AZU1: variants seen among roughly 807,000 people sequenced by gnomAD.
AZU1 encodes the protein azurocidin 1, also known as azurocidin.
A neutral mutation model predicts 17.8 loss-of-function variants in AZU1; 21 were observed. That is an observed-to-expected ratio of 1.18 (90% CI 0.84 to 1.70). The LOEUF (loss-of-function observed/expected upper bound fraction) is 1.70. Among genes scored for constraint, AZU1 ranks in the 40% most tolerant of loss-of-function variants. The pLI, the probability that AZU1 is intolerant of heterozygous loss-of-function variation, is 0.00. For missense variants in AZU1, 379 were observed against 362.9 expected (o/e 1.04, Z -0.36); for synonymous variants, 178 against 155.2 (o/e 1.15, Z -1.09).
intron 3 of AZU1, among the ~76,000 whole-genome samples, 165 bp from the exon 4 acceptor site, chr19:830,543 G>C (rs112961314): frequency 6.6e-6 from 1 of 152,186 alleles, no homozygotes; most frequent in African/African-American, 2.4e-5. Flanking sequence ...GCCTCGCAAC[G>C]TGCTGGGAAT....
chr19:828,285 C>T lies in AZU1; in HGVS notation c.114C>T (p.Phe38=). The T allele has an allele frequency of 6.2e-7, 1 of 1,611,822 alleles. No individual in the cohort carries two copies. The highest frequency in any genetic ancestry group is 8.5e-7 in the Non-Finnish European group (1 of 1,179,598). The part of the protein sequence containing the change: ...VGGRKARPRQ[F]PFLASIQNQG... ...GCCGGAAGGCGAGGCCCCGCCAGTT[C>T]CCGTTCCTGGCCTCCATTCAGAATC... Residue 38 remains phenylalanine (F), a synonymous_variant, in exon 2 of 5, where the codon TTC becomes TTT. Transcript: ENST00000233997.
At chr19:829,166 T>G (rs1159429338) in intron 2 of AZU1, among the ~76,000 whole-genome samples, 27 of 14,440 alleles carry the variant, frequency 1.9e-3, no homozygotes, top group African/African-American at 5.6e-3. Flanking sequence ...GAGGCCCAGA[T>G]AAGGGAATGG....
At chr19:829,936 A>ATATG (rs368933425) in intron 3 of AZU1, among the ~76,000 whole-genome samples, 455 of 137,850 alleles carry the variant, frequency 3.3e-3, no homozygotes, top group African/African-American at 0.012. Flanking sequence ...AAAAATATAT[A>ATATG]TGTGTGTGTG....
chr19:831,736 C>A lies in AZU1; in HGVS notation c.615C>A (p.Leu205=). 6.2e-7 allele frequency: 1 copy of A among 1,609,206 alleles called. No homozygotes were observed. Among genetic ancestry groups the A allele is most frequent in the South Asian group, 1.1e-5 (1 of 90,588 alleles). ...CCCAGGGGGACGGGGGCACCCCCCT[C>A]GTCTGCGAGGGCCTGGCCCACGGCG... ...GICNGDGGTP[L]VCEGLAHGVA... The change falls in exon 5 of 5, where the codon CTC becomes CTA. Residue 205 remains leucine (L), a synonymous_variant. Transcript: ENST00000233997.
At chr19:829,748 G>A in intron 3 of AZU1, 42 bp downstream of exon 3, 1 of 1,593,784 alleles carries the variant, frequency 6.3e-7, no homozygotes, top group Non-Finnish European at 8.6e-7. Context: ...ACCTCGGGAG[G>A]CCGACGTTAG....
Position 829,585 on chromosome 19 carries a change from T to C in AZU1, c.239T>C (p.Val80Ala). Reference protein sequence around the residue: ...QSQNPGVSTVVLGAYDLRRRE... With the variant: ...QSQNPGVSTVALGAYDLRRRE... ...AGGAACCCCGGGGTTAGCACCGTGG[T>C]GCTGGGTGCCTATGACCTGAGGCGG... Residue 80 changes from valine (V) to alanine (A), a missense_variant, in exon 3 of 5, where the codon GTG becomes GCG. Transcript: ENST00000233997. The C allele has an allele frequency of 6.2e-7, 1 of 1,613,210 alleles. No individual in the cohort carries two copies. Among genetic ancestry groups the C allele is most frequent in the Non-Finnish European group, 8.5e-7 (1 of 1,179,932 alleles).
At chr19:828,776 A>G (rs1368324714) in intron 2 of AZU1, among the ~76,000 whole-genome samples, 9 of 30,006 alleles carry the variant, frequency 3.0e-4, no homozygotes, top group East Asian at 9.1e-4. Context: ...CAGAGAAGGG[A>G]AGGGGGTCAG....
intron 4 of AZU1, 137 bp downstream of exon 4, chr19:831,078 A>AT: frequency 1.4e-6 from 1 of 704,024 alleles, no homozygotes. Context: ...GAGAAACAGT[A>AT]TCTTTTTTTT....
At chr19:828,146 T>C (rs1325310866) in intron 1 of AZU1, 84 bp from the exon 2 acceptor site, 2 of 1,468,906 alleles carry the variant, frequency 1.4e-6, no homozygotes, top group Non-Finnish European at 1.8e-6. Flanking sequence ...ACTGGGTGGA[T>C]AGAGCTGAGG....
intron 3 of AZU1, among the ~76,000 whole-genome samples, chr19:829,986 G>A (rs1174787792): frequency 1.3e-5 from 2 of 148,918 alleles, no homozygotes; most frequent in African/African-American, 2.5e-5. Context: ...ATCTTGCCGG[G>A]TGAGGTGGCT....
intron 2 of AZU1, among the ~76,000 whole-genome samples, chr19:829,312 CAGAT>C (rs1440257939): frequency 7.8e-6 from 1 of 127,430 alleles, no homozygotes; most frequent in Non-Finnish European, 1.6e-5. Flanking sequence ...GGAAGGGACT[CAGAT>C]GGAGGAGGGG....
chr19:831,225 CAT>C (rs2145103085), intron 4 of AZU1: 1 of 432,574 alleles, frequency 2.3e-6, no homozygotes, highest in East Asian at 4.0e-5. Context: ...GGATTACAGG[CAT>C]GCGCCACCAC....
chr19:831,501 C>T, intron 4 of AZU1: 1 of 559,620 alleles, frequency 1.8e-6, no homozygotes, highest in Non-Finnish European at 3.1e-6. Context: ...GGAGGGGCAC[C>T]TGGCCCAGCC....
At chr19:828,509 C>T (rs1387101896) in intron 2 of AZU1, 123 bp downstream of exon 2, 4 of 1,039,666 alleles carry the variant, frequency 3.8e-6, no homozygotes, top group African/African-American at 3.5e-5. Context: ...AAAGGAGGGG[C>T]TCAGGGAAAG....
chr19:829,934 A>ATGTGTG lies in AZU1; in HGVS notation c.360+229_360+230insGTGTGT, dbSNP rs1240559729. On this transcript the variant is annotated intron_variant, in intron 3 of 4. Transcript: ENST00000233997. ...CCAAACTCAGTCTCTACAAAAATATATATGTGTGTGTGTGTGTGTGTGTGT... is the reference window on the plus strand; with the variant it reads ...CCAAACTCAGTCTCTACAAAAATATATGTGTGTATGTGTGTGTGTGTGTGTGTGTGT... 5.8e-5 allele frequency among the ~76,000 whole-genome samples: 7 copies of ATGTGTG among 120,398 alleles called. No individual in the cohort carries two copies. The South Asian group carries it at 8.4e-4, about 14-fold the overall frequency. 79.0% of individuals were successfully genotyped at this position (120,398 alleles called of 152,430 possible).
At position 831,729 on chromosome 19, in the gene AZU1, C is replaced by T; in HGVS notation, c.608C>T (p.Thr203Ile). 1 of 1,604,932 alleles carries T rather than the reference C, an allele frequency of 6.2e-7. No individual in the cohort carries two copies. Among genetic ancestry groups the T allele is most frequent in the Non-Finnish European group, 8.5e-7 (1 of 1,176,296 alleles). The part of the protein sequence containing the change: ...RGGICNGDGG[T>I]PLVCEGLAHG... ...CTGCCTGCCCAGGGGGACGGGGGCA[C>T]CCCCCTCGTCTGCGAGGGCCTGGCC... The change falls in exon 5 of 5, where the codon ACC becomes ATC. Residue 203 changes from threonine to isoleucine, a missense_variant. Physicochemically the swap from Thr to Ile is moderately conservative, Grantham distance 89. Coordinates refer to ENST00000233997, the MANE Select transcript of AZU1 (RefSeq NM_001700.5).
In AZU1 at chr19:829,551, G is replaced by A. The variant is rs752838981; in HGVS notation, c.216-11G>A. The A allele has an allele frequency of 3.7e-6, 6 of 1,611,358 alleles. No individual in the cohort carries two copies. Among genetic ancestry groups the A allele is most frequent in the Admixed American group, 1.7e-5 (1 of 59,938 alleles). Reference sequence around the variant, plus strand: ...GTGTCCTCCCTCTGCCCTTTCCTCCGCTACTCTCAGGAACCCCGGGGTTAG... The same window carrying A: ...GTGTCCTCCCTCTGCCCTTTCCTCCACTACTCTCAGGAACCCCGGGGTTAG... On this transcript the variant is annotated splice_polypyrimidine_tract_variant and intron_variant, in intron 2 of 4. Coordinates refer to ENST00000233997, the MANE Select transcript of AZU1 (RefSeq NM_001700.5).
At position 831,889 on chromosome 19, in the gene AZU1, A is replaced by C. The variant is rs1188201106; in HGVS notation, c.*12A>C. On this transcript the variant is annotated 3_prime_UTR_variant, in exon 5 of 5. Transcript: ENST00000233997. ...CGGGGCCAGCCTAGGGGGGCCTGTGACCTCCCATGGAGCCCAGCCCCGCCC... is the reference window on the plus strand; with the variant it reads ...CGGGGCCAGCCTAGGGGGGCCTGTGCCCTCCCATGGAGCCCAGCCCCGCCC... 1.9e-6 allele frequency: 3 copies of C among 1,606,984 alleles called. No homozygotes were observed. Among genetic ancestry groups the C allele is most frequent in the Admixed American group, 3.4e-5 (2 of 59,564 alleles).
intron 1 of AZU1, 54 bp from the exon 2 acceptor site, chr19:828,176 C>G (rs894037669): frequency 6.5e-7 from 1 of 1,532,476 alleles, no homozygotes; most frequent in Non-Finnish European, 8.8e-7. Flanking sequence ...CACACGCCCT[C>G]CCGGCCACTG....
Sources: gnomAD v4.1 joint callset for allele counts (sites outside exome capture counted in the v4.1 genomes callset) on GRCh38, gnomAD v4.1.1 for gene constraint, MANE v1.5 for transcripts, NCBI Gene and HGNC (gene_info 2026-07-23, HGNC 2026-07-21) for gene names.